GSPT1: variants seen among roughly 807,000 people sequenced by gnomAD.
GSPT1 encodes the protein G1 to S phase transition 1, also known as eukaryotic peptide chain release factor GTP-binding subunit ERF3A.
In GSPT1, 20 loss-of-function variants were observed where a neutral mutation model predicts 72.5. The ratio of observed to expected loss-of-function variants is 0.28; its 90% CI spans 0.19 to 0.40. The LOEUF is 0.40. Ranked by LOEUF, GSPT1 falls within the 10% of genes least tolerant of loss-of-function variation. The probability of loss-of-function intolerance (pLI) is 1.00; values close to 1 mark genes in which losing one functional copy is unlikely to be tolerated. For missense variants in GSPT1, 580 were observed against 811.9 expected (o/e 0.71, Z 3.47); for synonymous variants, 334 against 293.5 (o/e 1.14, Z -1.41).
In GSPT1 at chr16:11,912,007, G is replaced by C. The variant is rs866075247; in HGVS notation, c.352+3362C>G. On this transcript the variant is annotated intron_variant, in intron 1 of 14. Coordinates refer to ENST00000434724, the MANE Select transcript of GSPT1 (RefSeq NM_002094.4). The stretch of plus-strand genomic sequence containing the variant: ...TGCGCCCAGCTTGTACAGTTGAAAA[G>C]GGTGAATTTTACAGTGTGTAAGTTA... Among the ~76,000 whole-genome samples, 17 of 147,842 alleles carry C rather than the reference G, an allele frequency of 1.1e-4. 1 individual carries two copies. The highest frequency in any genetic ancestry group is 1.1e-3 in the South Asian group (5 of 4,646).
chr16:11,905,016 G>T (rs569406699), intron 1 of GSPT1, among the ~76,000 whole-genome samples: 35 of 152,256 alleles, frequency 2.3e-4, no homozygotes, highest in African/African-American at 7.7e-4. Flanking sequence ...TGCAGTGAGC[G>T]GTGATCACAC....
intron 14 of GSPT1, 66 bp from the exon 15 acceptor site, chr16:11,873,237 T>G (rs958405154): frequency 8.0e-6 from 6 of 753,668 alleles, no homozygotes; most frequent in African/African-American, 7.1e-5. Flanking sequence ...ATATTAAAAC[T>G]TATTATTTTA....
intron 10 of GSPT1, among the ~76,000 whole-genome samples, chr16:11,884,534 C>T (rs1202433919): frequency 2.6e-5 from 4 of 151,366 alleles, no homozygotes; most frequent in Admixed American, 2.0e-4. Flanking sequence ...CCAAGGCGGG[C>T]GGATCACCTG....
At chr16:11,900,330 C>CA (rs34268463) in intron 1 of GSPT1, among the ~76,000 whole-genome samples, 125,707 of 141,908 alleles carry the variant, frequency 0.89, 55,977 homozygotes, top group Non-Finnish European at 0.95. Context: ...AACTCCGTCT[C>CA]AAAAAAAAAA....
At chr16:11,881,654 G>GTTTTTTTTTTT (rs1567437134) in intron 11 of GSPT1, 6 of 13,320 alleles carry the variant, frequency 4.5e-4, no homozygotes, top group Admixed American at 1.1e-3. Flanking sequence ...CACTTCCATA[G>GTTTTTTTTTTT]CTTTTTTTTT....
chr16:11,888,431 C>T (rs1358879199), intron 6 of GSPT1, among the ~76,000 whole-genome samples: 1 of 147,932 alleles, frequency 6.8e-6, no homozygotes, highest in Non-Finnish European at 1.5e-5. Flanking sequence ...CATCGCACTC[C>T]AGGCTGGGCA....
chr16:11,892,382 G>A (rs1344195965), intron 5 of GSPT1, among the ~76,000 whole-genome samples: 2 of 151,586 alleles, frequency 1.3e-5, no homozygotes, highest in Non-Finnish European at 2.9e-5. Flanking sequence ...GATGGCTCAT[G>A]CCTGTAATCT....
At chr16:11,889,125 G>T (rs33647) in intron 6 of GSPT1, among the ~76,000 whole-genome samples, 1 of 151,514 alleles carries the variant, frequency 6.6e-6, no homozygotes, top group Non-Finnish European at 1.5e-5. Context: ...TAGCTAACAC[G>T]GTGAAACCCT....
intron 1 of GSPT1, among the ~76,000 whole-genome samples, chr16:11,914,022 C>T (rs2054593486): frequency 6.6e-6 from 1 of 152,180 alleles, no homozygotes; most frequent in South Asian, 2.1e-4. Context: ...ACTCCTGGAG[C>T]ACTTTTATAA....
At position 11,885,702 on chromosome 16, in the gene GSPT1, T is replaced by G. The variant is rs2054179120; in HGVS notation, c.1254-428A>C. Among the ~76,000 whole-genome samples the G allele has an allele frequency of 2.6e-5, 4 of 152,142 alleles. No individual in the cohort carries two copies. The South Asian group carries it at 8.3e-4, about 31-fold the overall frequency. ...TGAGCCCAGGAGTTCGACACCAGCC[T>G]GGGCAACATGGTGAATCTGTCTCTA... On this transcript the variant is annotated intron_variant, in intron 9 of 14. Coordinates refer to ENST00000434724, the MANE Select transcript of GSPT1 (RefSeq NM_002094.4).
chr16:11,911,907 CTA>C (rs1398816893), intron 1 of GSPT1, among the ~76,000 whole-genome samples: 4 of 112,874 alleles, frequency 3.5e-5, no homozygotes, highest in Non-Finnish European at 5.0e-5. Flanking sequence ...CTCAGTCTCA[CTA>C]TGTTTTATGG....
chr16:11,900,033 T>C (rs1325258607), intron 1 of GSPT1, among the ~76,000 whole-genome samples: 2 of 152,166 alleles, frequency 1.3e-5, no homozygotes, highest in East Asian at 3.9e-4. Flanking sequence ...CTCAATCCTA[T>C]CAATATGTAT....
At chr16:11,899,127 G>T (rs546549636) in intron 1 of GSPT1, among the ~76,000 whole-genome samples, 1 of 152,032 alleles carries the variant, frequency 6.6e-6, no homozygotes, top group African/African-American at 2.4e-5. Flanking sequence ...GACAGAAAAC[G>T]ATACTAAAGA....
intron 1 of GSPT1, among the ~76,000 whole-genome samples, chr16:11,912,137 G>C (rs1274926561): frequency 1.3e-5 from 2 of 149,520 alleles, no homozygotes; most frequent in African/African-American, 4.9e-5. Flanking sequence ...GAGGTCAAGA[G>C]TTCAAGACCA....
intron 6 of GSPT1, among the ~76,000 whole-genome samples, chr16:11,889,329 CTTTTTTTTTT>C (rs902991145): frequency 9.3e-4 from 56 of 60,072 alleles, no homozygotes; most frequent in African/African-American, 3.4e-3. Context: ...CCCTCTTCTT[CTTTTTTTTTT>C]TTTTTTTTTT....
chr16:11,890,640 C>T (rs1411141164), intron 6 of GSPT1, among the ~76,000 whole-genome samples: 8 of 152,000 alleles, frequency 5.3e-5, no homozygotes, highest in Admixed American at 5.3e-4. Flanking sequence ...CAAAGGCAAC[C>T]ACTGTCAATA....
chr16:11,879,638 C>T (rs1291172461), intron 11 of GSPT1, among the ~76,000 whole-genome samples: 1 of 148,386 alleles, frequency 6.7e-6, no homozygotes, highest in East Asian at 2.0e-4. Flanking sequence ...GAGGCTGAGG[C>T]AGGAGCATTG....
At position 11,891,100 on chromosome 16, in the gene GSPT1, C is replaced by T. The variant is rs1466853312; in HGVS notation, c.738G>A (p.Lys246=). The change falls in exon 6 of 15, where the codon AAG becomes AAA. Residue 246 remains lysine, a synonymous_variant. Transcript: ENST00000434724. ...TGMVDKRTLE[K]YEREAKEKNR... is the part of the protein sequence containing the mutation. The stretch of plus-strand genomic sequence containing the variant: ...TTTTCTCTTTAGCTTCTCTTTCATA[C>T]TTTTCAAGCGTCCTTTTGTCAACCA... 3 of 1,504,996 alleles carry T rather than the reference C, an allele frequency of 2.0e-6. No individual in the cohort carries two copies. Among genetic ancestry groups the T allele is most frequent in the Non-Finnish European group, 2.7e-6 (3 of 1,114,240 alleles). The allele number at this position is 1,504,996 out of a possible 1,614,324, so 93.2% of individuals were successfully genotyped here. A position where few individuals can be genotyped will look rare whatever the true frequency, so the allele number is the denominator to read the frequency against.
Position 11,877,524 on chromosome 16 carries a change from G to C in GSPT1, c.1485C>G (p.Ala495=), listed in dbSNP as rs1279617417. 3.7e-6 allele frequency: 6 copies of C among 1,611,072 alleles called. No homozygotes were observed. In the East Asian group the frequency reaches 1.1e-4, roughly 30 times the overall value. Residue 495 remains alanine (A), a synonymous_variant, in exon 12 of 15, where the codon GCC becomes GCG. Coordinates refer to ENST00000434724, the MANE Select transcript of GSPT1 (RefSeq NM_002094.4). The surrounding 1 kb of genome is among the most constrained non-coding windows in gnomAD (Gnocchi z 4.0). Reference sequence around the variant, plus strand: ...GTCTGATTTTGAGGTTTTCACCTGGGGCTACGGTATCAGTCTCTACATCAT... The same window carrying C: ...GTCTGATTTTGAGGTTTTCACCTGGCGCTACGGTATCAGTCTCTACATCAT... ...LSDDVETDTV[A]PGENLKIRLK...
Sources: allele counts gnomAD v4.1 joint callset (sites outside exome capture counted in the v4.1 genomes callset), GRCh38; gene constraint gnomAD v4.1.1; non-coding constraint Gnocchi (gnomAD v3.1); transcripts MANE v1.5; gene names NCBI Gene and HGNC (gene_info 2026-07-23, HGNC 2026-07-21).